Variants in PSMA1 observed in about 807,000 individuals in gnomAD.
The protein encoded by PSMA1 is proteasome subunit alpha type-1.
PSMA1 carries 3 observed loss-of-function variants against 38.4 expected under a neutral mutation model. That is an observed-to-expected ratio of 0.08 (90% confidence interval 0.04 to 0.20). The LOEUF (loss-of-function observed/expected upper bound fraction) is 0.20, where lower values mean the gene tolerates loss of function less well. Ranked by LOEUF, PSMA1 falls within the 10% of genes least tolerant of loss-of-function variation. The pLI, the probability that PSMA1 is intolerant of heterozygous loss-of-function variation, is 1.00. For missense variants in PSMA1, 227 were observed against 325.3 expected (o/e 0.70, Z 2.32); for synonymous variants, 101 against 107.1 (o/e 0.94, Z 0.35).
At chr11:14,638,585 A>ATTTTTTTT (rs1162549899) in intron 1 of PSMA1, among the ~76,000 whole-genome samples, 1 of 8,096 alleles carries the variant, frequency 1.2e-4, no homozygotes, top group Non-Finnish European at 2.0e-4. Flanking sequence ...ATATATATAT[A>ATTTTTTTT]TTTTTTTTTT....
chr11:14,629,007 T>C (rs1422633229), intron 1 of PSMA1, among the ~76,000 whole-genome samples: 2 of 151,394 alleles, frequency 1.3e-5, no homozygotes, highest in Admixed American at 6.6e-5. Context: ...CACTTGTTGA[T>C]GGGGTTGTTT....
At chr11:14,518,104 C>G (rs1344965950) in intron 2 of PSMA1, 123 bp from the exon 3 acceptor site, 5 of 698,148 alleles carry the variant, frequency 7.2e-6, no homozygotes, top group Non-Finnish European at 9.0e-6. Context: ...AATCAAGAGA[C>G]CTTTTTTTTT....
chr11:14,564,723 G>T (rs1232170612), intron 2 of PSMA1, among the ~76,000 whole-genome samples: 1 of 151,254 alleles, frequency 6.6e-6, no homozygotes, highest in Non-Finnish European at 1.5e-5. Flanking sequence ...TATTTCAGCC[G>T]TTCTTACAAG....
At chr11:14,520,134 G>C (rs1224093606) in intron 1 of PSMA1, 163 bp downstream of exon 1, 8 of 1,153,478 alleles carry the variant, frequency 6.9e-6, no homozygotes, top group Non-Finnish European at 1.0e-5. Context: ...CCCTAGCCCG[G>C]CCAGGCCGGA....
intron 2 of PSMA1, among the ~76,000 whole-genome samples, chr11:14,609,479 A>C (rs1852683092): frequency 6.6e-6 from 1 of 152,204 alleles, no homozygotes; most frequent in Admixed American, 6.5e-5. Context: ...TTAACATATT[A>C]GTGACATGAT....
chr11:14,605,503 C>T (rs1349697542), intron 2 of PSMA1, among the ~76,000 whole-genome samples: 4 of 152,124 alleles, frequency 2.6e-5, no homozygotes, highest in Non-Finnish European at 5.9e-5. Flanking sequence ...CCCATCTCAG[C>T]CTCCCAAGTA....
chr11:14,631,879 G>A (rs1853018978), intron 1 of PSMA1, among the ~76,000 whole-genome samples: 2 of 148,794 alleles, frequency 1.3e-5, no homozygotes, highest in African/African-American at 5.0e-5. Context: ...ATTTAGGATA[G>A]TTAGCTCTTC....
At chr11:14,548,529 G>A (rs1851852636) in intron 2 of PSMA1, among the ~76,000 whole-genome samples, 1 of 152,174 alleles carries the variant, frequency 6.6e-6, no homozygotes, top group African/African-American at 2.4e-5. Context: ...CAAGTATCAA[G>A]TGTGCATATC....
intron 2 of PSMA1, among the ~76,000 whole-genome samples, chr11:14,526,891 C>A (rs1851591710): frequency 6.6e-6 from 1 of 152,142 alleles, no homozygotes. Context: ...CCACATCTAT[C>A]ACTGAGGCTA....
intron 2 of PSMA1, among the ~76,000 whole-genome samples, chr11:14,591,804 G>C: frequency 6.6e-6 from 1 of 152,264 alleles, no homozygotes; most frequent in South Asian, 2.1e-4. Context: ...AGCAGGATGT[G>C]GGTGGGGCCA....
At chr11:14,545,751 C>G (rs1485739595) in intron 2 of PSMA1, among the ~76,000 whole-genome samples, 1 of 152,064 alleles carries the variant, frequency 6.6e-6, no homozygotes, top group Non-Finnish European at 1.5e-5. Context: ...ATATCTGCAA[C>G]AAATGTGAAA....
intron 2 of PSMA1, among the ~76,000 whole-genome samples, chr11:14,608,877 C>T (rs991070109): frequency 1.3e-5 from 2 of 151,564 alleles, no homozygotes; most frequent in Admixed American, 1.3e-4. Flanking sequence ...AAGTTAAAAC[C>T]CAAAGAGATT....
At chr11:14,581,984 C>T (rs1000101384) in intron 2 of PSMA1, among the ~76,000 whole-genome samples, 5 of 152,160 alleles carry the variant, frequency 3.3e-5, no homozygotes, top group Non-Finnish European at 7.3e-5. Flanking sequence ...AATTGGATCA[C>T]GTACTTATTC....
chr11:14,597,880 G>T (rs1446525938), intron 2 of PSMA1, among the ~76,000 whole-genome samples: 1 of 152,092 alleles, frequency 6.6e-6, no homozygotes, highest in Non-Finnish European at 1.5e-5. Flanking sequence ...TCTCTTGTGG[G>T]CATTTAGTGC....
chr11:14,554,832 G>C (rs1436588252), intron 2 of PSMA1, among the ~76,000 whole-genome samples: 1 of 152,114 alleles, frequency 6.6e-6, no homozygotes, highest in Non-Finnish European at 1.5e-5. Context: ...CTATGAGATG[G>C]TATTATTAGA....
At chr11:14,627,772 C>A (rs914821710) in intron 1 of PSMA1, among the ~76,000 whole-genome samples, 3 of 152,172 alleles carry the variant, frequency 2.0e-5, no homozygotes, top group African/African-American at 7.2e-5. Context: ...TCTGATAAAA[C>A]AATGATTTCA....
chr11:14,624,668 T>G (rs1852890205), intron 1 of PSMA1, among the ~76,000 whole-genome samples: 1 of 152,158 alleles, frequency 6.6e-6, no homozygotes, highest in African/African-American at 2.4e-5. Context: ...GGGTCACATC[T>G]TGGCAGGGGT....
chr11:14,559,859 G>A (rs1297325200), intron 2 of PSMA1, among the ~76,000 whole-genome samples: 1 of 152,192 alleles, frequency 6.6e-6, no homozygotes, highest in African/African-American at 2.4e-5. Flanking sequence ...GGAGTTTATT[G>A]GAGAGTGCCT....
intron 2 of PSMA1, among the ~76,000 whole-genome samples, chr11:14,552,327 G>A (rs1397413856): frequency 6.6e-6 from 1 of 152,210 alleles, no homozygotes; most frequent in Non-Finnish European, 1.5e-5. Flanking sequence ...CAGACCAACA[G>A]TGCCTTGGCA....
Sources: allele counts gnomAD v4.1 joint callset (sites outside exome capture counted in the v4.1 genomes callset), GRCh38; gene constraint gnomAD v4.1.1; transcripts MANE v1.5; gene names NCBI Gene and HGNC (gene_info 2026-07-23, HGNC 2026-07-21).